MEI4: variants seen among roughly 807,000 people sequenced by gnomAD.
MEI4 encodes meiotic double-stranded break formation protein 4, also known as meiosis-specific protein MEI4.
A neutral mutation model predicts 31.4 loss-of-function variants in MEI4; 27 were observed. The ratio of observed to expected loss-of-function variants is 0.86; its 90% CI spans 0.63 to 1.19. The LOEUF (loss-of-function observed/expected upper bound fraction) is 1.19. Among genes scored for constraint, MEI4 ranks in the 50% most tolerant of loss-of-function variants. The pLI is 0.00. For missense variants in MEI4, 329 were observed against 398.9 expected (o/e 0.82, Z 1.49); for synonymous variants, 122 against 145.4 (o/e 0.84, Z 1.16).
intron 2 of MEI4, among the ~76,000 whole-genome samples, chr6:77,757,410 G>T (rs1275489522): frequency 6.6e-6 from 1 of 152,158 alleles, no homozygotes; most frequent in African/African-American, 2.4e-5. Context: ...ACATTTTTCT[G>T]ATGGTATAGA....
intron 2 of MEI4, among the ~76,000 whole-genome samples, chr6:77,757,794 G>A (rs1767949756): frequency 6.6e-6 from 1 of 152,174 alleles, no homozygotes; most frequent in Admixed American, 6.5e-5. Flanking sequence ...TGTGAAGAAT[G>A]AAGTTAATGT....
In MEI4 at chr6:77,660,563, G is replaced by A. The variant is rs150073015; in HGVS notation, c.-15+7471G>A. ...GGGATGACTAGTTTTTTTTGGGGGG[G>A]CTTGGCCTAAGTGGTGGGGGTGACT... On this transcript the variant is annotated intron_variant, in intron 1 of 4. Transcript: ENST00000684080. Among the ~76,000 whole-genome samples, 423 of 151,840 alleles carry A rather than the reference G, an allele frequency of 2.8e-3. 2 individuals carry two copies. The highest frequency in any genetic ancestry group is 9.6e-3 in the Admixed American group (147 of 15,258).
intron 1 of MEI4, among the ~76,000 whole-genome samples, chr6:77,669,881 C>T (rs1337733465): frequency 6.6e-6 from 1 of 152,182 alleles, no homozygotes; most frequent in Non-Finnish European, 1.5e-5. Flanking sequence ...TTTAACCAAG[C>T]TGTCTGACTT....
At chr6:77,883,802 G>A (rs891062788) in intron 4 of MEI4, among the ~76,000 whole-genome samples, 10 of 122,498 alleles carry the variant, frequency 8.2e-5, no homozygotes, top group African/African-American at 3.3e-4. Context: ...CCATATGTTG[G>A]CTAAGGTGAA....
At chr6:77,738,408 T>C (rs576423184) in intron 2 of MEI4, among the ~76,000 whole-genome samples, 2 of 152,356 alleles carry the variant, frequency 1.3e-5, no homozygotes, top group African/African-American at 4.8e-5. Context: ...CTGAATTTTA[T>C]TTGGCTCTTC....
intron 2 of MEI4, among the ~76,000 whole-genome samples, chr6:77,747,302 A>G (rs1304907700): frequency 6.6e-6 from 1 of 152,012 alleles, no homozygotes; most frequent in Non-Finnish European, 1.5e-5. Context: ...ACAGAGCAAG[A>G]CTCAAGACTC....
intron 4 of MEI4, among the ~76,000 whole-genome samples, chr6:77,907,152 T>A (rs1232601520): frequency 6.6e-6 from 1 of 152,118 alleles, no homozygotes; most frequent in Non-Finnish European, 1.5e-5. Context: ...TTTTTTTAAA[T>A]ATACTTTGAG....
At chr6:77,802,811 C>G (rs560829289) in intron 3 of MEI4, among the ~76,000 whole-genome samples, 4 of 152,328 alleles carry the variant, frequency 2.6e-5, no homozygotes, top group African/African-American at 9.6e-5. Context: ...ACACTGTTTT[C>G]TGGCTTGTAG....
intron 2 of MEI4, among the ~76,000 whole-genome samples, chr6:77,758,581 C>T (rs1052602394): frequency 6.6e-6 from 1 of 152,156 alleles, no homozygotes. Flanking sequence ...GTGAAATCTC[C>T]TTTAATTTCC....
Position 77,704,767 on chromosome 6 carries a change from G to A in MEI4, c.232+13864G>A, listed in dbSNP as rs577232080. Among the ~76,000 whole-genome samples, 10 of 152,194 alleles carry A rather than the reference G, an allele frequency of 6.6e-5. No individual in the cohort carries two copies. The East Asian group carries it at 7.7e-4, about 12-fold the overall frequency. ...TTACCAGAGAAGCGTCAAAGGAAAC[G>A]TAATCATTCAAAACACCTGAGTGTT... On this transcript the variant is annotated intron_variant, in intron 2 of 4. Coordinates refer to ENST00000684080, the MANE Select transcript of MEI4 (RefSeq NM_001322247.2).
intron 2 of MEI4, among the ~76,000 whole-genome samples, chr6:77,756,768 C>G (rs1767930087): frequency 6.6e-6 from 1 of 151,710 alleles, no homozygotes; most frequent in Non-Finnish European, 1.5e-5. Context: ...TATAATTTTC[C>G]AAGGAGTTGA....
chr6:77,851,199 CT>C, intron 4 of MEI4, among the ~76,000 whole-genome samples: 1 of 152,302 alleles, frequency 6.6e-6, no homozygotes, highest in African/African-American at 2.4e-5. Flanking sequence ...GGACTGTAAA[CT>C]AGTTCAACCA....
chr6:77,726,494 G>A (rs916123611), intron 2 of MEI4, among the ~76,000 whole-genome samples: 14 of 152,278 alleles, frequency 9.2e-5, no homozygotes, highest in East Asian at 1.9e-4. Flanking sequence ...ACAAGGAAGC[G>A]TAGAGCATCA....
chr6:77,754,908 G>C (rs1037044674), intron 2 of MEI4, among the ~76,000 whole-genome samples: 1 of 152,114 alleles, frequency 6.6e-6, no homozygotes, highest in South Asian at 2.1e-4. Flanking sequence ...CTCCCACCAG[G>C]CCTCTCCCTT....
chr6:77,923,092 C>G lies in MEI4; in HGVS notation c.904C>G (p.Gln302Glu). Residue 302 changes from glutamine to glutamate, a missense_variant, in exon 5 of 5, where the codon CAA (glutamine) becomes GAA (glutamate). Gln to Glu is a conservative substitution (Grantham distance 29, BLOSUM62 2). Transcript: ENST00000684080. ...GGAGTTTGTTGTTTATTTGTAGGAG[C>G]AAGCCAGTTATGATGTGTCACGCTA... Reference protein sequence around the residue: ...ADDLGAINQEQASYDVSRYEN... With the variant: ...ADDLGAINQEEASYDVSRYEN... 1 of 1,229,882 alleles carries G rather than the reference C, an allele frequency of 8.1e-7. No individual in the cohort carries two copies. Among genetic ancestry groups the G allele is most frequent in the Non-Finnish European group, 1.0e-6 (1 of 986,338 alleles). The allele number at this position is 1,229,882 out of a possible 1,614,324, so 76.2% of individuals were successfully genotyped here.
intron 3 of MEI4, among the ~76,000 whole-genome samples, chr6:77,819,123 A>C (rs1053325029): frequency 6.6e-6 from 1 of 152,186 alleles, no homozygotes; most frequent in African/African-American, 2.4e-5. Context: ...TTCTAATTGA[A>C]TAGGTATAAA....
rs202177577 is a variant in MEI4 at position 77,879,454 on chromosome 6, GC to G, written c.901-43634del. Among the ~76,000 whole-genome samples the G allele has an allele frequency of 9.3e-3, 1,422 of 152,212 alleles. 18 individuals carry two copies. Among genetic ancestry groups the G allele is most frequent in the African/African-American group, 0.032 (1,321 of 41,520 alleles). Reference sequence around the variant, plus strand: ...CCAAATTAGAGATTAATTATAAGTGGCTTATTCTCCCCTTCAAATCTAGTTT... The same window carrying G: ...CCAAATTAGAGATTAATTATAAGTGGTTATTCTCCCCTTCAAATCTAGTTT... On this transcript the variant is annotated intron_variant, in intron 4 of 4. Transcript: ENST00000684080.
At chr6:77,868,515 A>ATATATATATAT (rs1771112151) in intron 4 of MEI4, among the ~76,000 whole-genome samples, 2 of 130,678 alleles carry the variant, frequency 1.5e-5, no homozygotes, top group African/African-American at 6.1e-5. Flanking sequence ...ATATATATAT[A>ATATATATATAT]TATATATATA....
chr6:77,885,633 T>C (rs558833167), intron 4 of MEI4, among the ~76,000 whole-genome samples: 1 of 152,302 alleles, frequency 6.6e-6, no homozygotes, highest in South Asian at 2.1e-4. Flanking sequence ...AATTTAACTT[T>C]CTCTCTTCCA....
Sources: gnomAD v4.1 joint callset for allele counts (sites outside exome capture counted in the v4.1 genomes callset) on GRCh38, gnomAD v4.1.1 for gene constraint, MANE v1.5 for transcripts, NCBI Gene and HGNC (gene_info 2026-07-23, HGNC 2026-07-21) for gene names.